PKD1L1: variants seen among roughly 807,000 people sequenced by gnomAD.
PKD1L1 encodes polycystin 1 like 1, transient receptor potential channel interacting.
Under a neutral mutation model 323.4 loss-of-function variants are expected in PKD1L1, and 236 were observed. That is an observed-to-expected ratio of 0.73 (90% CI 0.66 to 0.81). The LOEUF (loss-of-function observed/expected upper bound fraction) is 0.81, where lower values mean the gene tolerates loss of function less well. PKD1L1 is among the 40% of genes least tolerant of loss of function. The pLI is 0.00. For missense variants in PKD1L1, 3,320 were observed against 3,508.0 expected (o/e 0.95, Z 1.35); for synonymous variants, 1,344 against 1,335.0 (o/e 1.01, Z -0.15).
intron 52 of PKD1L1, among the ~76,000 whole-genome samples, chr7:47,805,510 G>T (rs901351144): frequency 6.6e-6 from 1 of 152,236 alleles, no homozygotes; most frequent in African/African-American, 2.4e-5. Context: ...AGAGGCCAAG[G>T]TGCCAGAACA....
chr7:47,864,616 C>CTT (rs1347670711), intron 26 of PKD1L1, among the ~76,000 whole-genome samples: 3 of 139,832 alleles, frequency 2.1e-5, no homozygotes, highest in African/African-American at 8.2e-5. Flanking sequence ...TTCTTTCTTT[C>CTT]TTTCTTTCTT....
chr7:47,955,436 G>A, the PKD1L1 span, among the ~76,000 whole-genome samples: 1 of 151,930 alleles, frequency 6.6e-6, no homozygotes, highest in South Asian at 2.1e-4. Flanking sequence ...CATGTACAAA[G>A]ATTGAAATAA....
upstream of PKD1L1, among the ~76,000 whole-genome samples, chr7:47,949,526 C>T (rs887184582): frequency 5.3e-5 from 8 of 152,084 alleles, no homozygotes; most frequent in African/African-American, 1.2e-4. Context: ...GATCTGGTTC[C>T]GAACCTCCTG....
chr7:47,909,431 T>C (rs1288511580), intron 8 of PKD1L1, among the ~76,000 whole-genome samples: 1 of 152,158 alleles, frequency 6.6e-6, no homozygotes, highest in East Asian at 1.9e-4. Context: ...CTTATCTCAG[T>C]TTACAACATC....
At position 47,876,157 on chromosome 7, in the gene PKD1L1, C is replaced by T; in HGVS notation, c.3724G>A (p.Gly1242Arg). Residue 1242 changes from glycine (G) to arginine (R), a missense_variant, in exon 23 of 57, where the codon GGG (glycine) becomes AGG (arginine). Physicochemically the swap from Gly to Arg is moderately radical, Grantham distance 125. Transcript: ENST00000289672. Reference protein sequence around the residue: ...GNTSKHTLYHGRDTQYYFVLP... With the variant: ...GNTSKHTLYHRRDTQYYFVLP... The stretch of plus-strand genomic sequence containing the variant: ...ACAAAATAATACTGGGTGTCTCTCC[C>T]ATGGTACAAAGTGTGTTTGGAGGTG... The T allele has an allele frequency of 6.2e-7, 1 of 1,614,142 alleles. No homozygotes were observed. The highest frequency in any genetic ancestry group is 8.5e-7 in the Non-Finnish European group (1 of 1,180,010).
intron 56 of PKD1L1, among the ~76,000 whole-genome samples, chr7:47,785,748 T>C (rs920059740): frequency 2.6e-5 from 4 of 151,048 alleles, no homozygotes; most frequent in African/African-American, 9.7e-5. Flanking sequence ...TTCTTTCTTT[T>C]TTTTTTTTTT....
intron 52 of PKD1L1, among the ~76,000 whole-genome samples, chr7:47,804,521 G>C (rs1366271721): frequency 1.5e-5 from 2 of 129,926 alleles, no homozygotes; most frequent in Non-Finnish European, 3.1e-5. Context: ...ACCCAGGCTT[G>C]AGTGGCAGGA....
intron 47 of PKD1L1, 106 bp downstream of exon 47, chr7:47,815,228 T>C: frequency 7.0e-7 from 1 of 1,430,372 alleles, no homozygotes; most frequent in East Asian, 2.3e-5. Context: ...TGCATGGTCA[T>C]TCAAGAACCT....
chr7:47,857,721 G>T lies in PKD1L1; in HGVS notation c.4474C>A (p.Pro1492Thr), dbSNP rs1231394229. ...GGACTGTGCCCAGCAAGGTCACCAG[G>T]TAAATGCACCTGGACAGATCCCAGG... is the stretch of plus-strand genomic sequence containing the variant. ...QSLGSVQVHL[P>T]GDLAGHSPAG... Residue 1492 changes from proline (P) to threonine (T), a missense_variant, in exon 28 of 57, where the codon CCT becomes ACT. Physicochemically the swap from Pro to Thr is conservative, Grantham distance 38. Transcript: ENST00000289672. 5.6e-6 allele frequency: 9 copies of T among 1,614,068 alleles called. No homozygotes were observed. Among genetic ancestry groups the T allele is most frequent in the Non-Finnish European group, 7.6e-6 (9 of 1,180,026 alleles).
In PKD1L1 at chr7:47,904,448, C is replaced by T. The variant is rs372308707; in HGVS notation, c.1861G>A (p.Ala621Thr). The T allele has an allele frequency of 1.9e-6, 3 of 1,614,062 alleles. No homozygotes were observed. In the African/African-American group the frequency reaches 4.0e-5, roughly 22 times the overall value. ...ECWINFGTDV[A>T]YLWDFGDGTV... ...CCATCCCCAAAGTCCCACAGGTAGGCAACATCTGTGCCGAAGTTGATCCAG... is the reference window on the plus strand; with the variant it reads ...CCATCCCCAAAGTCCCACAGGTAGGTAACATCTGTGCCGAAGTTGATCCAG... Residue 621 changes from alanine to threonine, a missense_variant, in exon 12 of 57, where the codon GCC becomes ACC. Physicochemically the swap from Ala to Thr is moderately conservative, Grantham distance 58. Transcript: ENST00000289672.
At chr7:47,927,923 T>A (rs1005725204) in intron 7 of PKD1L1, among the ~76,000 whole-genome samples, 1 of 152,214 alleles carries the variant, frequency 6.6e-6, no homozygotes, top group Non-Finnish European at 1.5e-5. Flanking sequence ...ACAATTTCAA[T>A]GTTCAGCAAT....
At chr7:47,804,967 T>A (rs1226085943) in intron 52 of PKD1L1, among the ~76,000 whole-genome samples, 1 of 152,122 alleles carries the variant, frequency 6.6e-6, no homozygotes, top group Non-Finnish European at 1.5e-5. Flanking sequence ...CTTGCCTCCA[T>A]CTGATTGAGG....
chr7:47,843,470 C>T (rs1046986688), intron 33 of PKD1L1, among the ~76,000 whole-genome samples: 4 of 152,172 alleles, frequency 2.6e-5, no homozygotes, highest in Non-Finnish European at 5.9e-5. Flanking sequence ...TGAACTATGG[C>T]TAAGAATGCC....
At chr7:47,833,828 C>T (rs1224911228) in intron 40 of PKD1L1, among the ~76,000 whole-genome samples, 1 of 152,168 alleles carries the variant, frequency 6.6e-6, no homozygotes, top group East Asian at 1.9e-4. Context: ...TGGGGTAACG[C>T]AGCTGTGCCA....
At chr7:47,880,284 A>ATATATTTT (rs1225214936) in intron 21 of PKD1L1, among the ~76,000 whole-genome samples, 2 of 56,818 alleles carry the variant, frequency 3.5e-5, no homozygotes, top group African/African-American at 1.1e-4. Flanking sequence ...ATATATATAT[A>ATATATTTT]TTTTTTTTTT....
At chr7:47,878,097 T>A (rs997835832) in intron 21 of PKD1L1, among the ~76,000 whole-genome samples, 1 of 152,124 alleles carries the variant, frequency 6.6e-6, no homozygotes, top group African/African-American at 2.4e-5. Flanking sequence ...CTCAAAACCT[T>A]AGCCACATAC....
At chr7:47,917,928 A>G (rs2128753086) in intron 7 of PKD1L1, among the ~76,000 whole-genome samples, 1 of 152,244 alleles carries the variant, frequency 6.6e-6, no homozygotes, top group East Asian at 1.9e-4. Flanking sequence ...CCCAAAACCA[A>G]TAACTAAAGT....
chr7:47,947,811 CA>C (rs1253842048), intron 1 of PKD1L1, among the ~76,000 whole-genome samples: 2 of 151,912 alleles, frequency 1.3e-5, no homozygotes, highest in African/African-American at 2.4e-5. Flanking sequence ...ACTAAAAATA[CA>C]AAAAATTAGT....
intron 56 of PKD1L1, among the ~76,000 whole-genome samples, chr7:47,790,754 T>C (rs1307802014): frequency 2.1e-5 from 3 of 145,076 alleles, no homozygotes; most frequent in Admixed American, 1.4e-4. Flanking sequence ...TTTTATTTTT[T>C]ATTTTTATTT....
Sources: gnomAD v4.1 joint callset for allele counts (sites outside exome capture counted in the v4.1 genomes callset) on GRCh38, gnomAD v4.1.1 for gene constraint, MANE v1.5 for transcripts, NCBI Gene and HGNC (gene_info 2026-07-23, HGNC 2026-07-21) for gene names.